OPCML: variants seen among roughly 807,000 people sequenced by gnomAD.
OPCML encodes opioid-binding protein/cell adhesion molecule.
A neutral mutation model predicts 37.8 loss-of-function variants in OPCML; 13 were observed. The observed-to-expected ratio is 0.34, with a 90% confidence interval of 0.22 to 0.55. The LOEUF is 0.55. Ranked by LOEUF, OPCML falls within the 20% of genes least tolerant of loss-of-function variation. OPCML has a pLI of 0.91. For missense variants in OPCML, 341 were observed against 435.6 expected (o/e 0.78, Z 1.93); for synonymous variants, 176 against 168.8 (o/e 1.04, Z -0.33).
rs554897478 is a variant in OPCML at position 132,477,770 on chromosome 11, T to A, written c.506-40411A>T. 5.3e-5 allele frequency among the ~76,000 whole-genome samples: 8 copies of A among 152,332 alleles called. No individual in the cohort carries two copies. The South Asian group carries it at 1.7e-3, about 32-fold the overall frequency. On this transcript the variant is annotated intron_variant, in intron 4 of 7. Coordinates refer to ENST00000524381, the MANE Select transcript of OPCML (RefSeq NM_001012393.5). ...ATGCCCAAAGACAGGGAACATAGAC[T>A]GATGTATTAAGGTAATCATTGACTT...
chr11:132,520,112 A>G (rs1399323220), intron 4 of OPCML, among the ~76,000 whole-genome samples: 1 of 152,220 alleles, frequency 6.6e-6, no homozygotes, highest in Non-Finnish European at 1.5e-5. Flanking sequence ...ATAGGAAGGT[A>G]GGTGTGGACT....
chr11:133,005,739 G>A (rs1161011723), intron 1 of OPCML: 2 of 979,412 alleles, frequency 2.0e-6, no homozygotes, highest in Non-Finnish European at 2.4e-6. Context: ...TTTTTAAAAA[G>A]CTTTTCTTTC....
intron 1 of OPCML, among the ~76,000 whole-genome samples, chr11:133,473,980 A>G (rs1478481456): frequency 2.0e-5 from 3 of 152,230 alleles, no homozygotes; most frequent in African/African-American, 7.2e-5. Flanking sequence ...GGGCTGAGCT[A>G]AAAAGGGTTA....
At chr11:133,447,316 A>G (rs998571487) in intron 1 of OPCML, among the ~76,000 whole-genome samples, 6 of 152,200 alleles carry the variant, frequency 3.9e-5, no homozygotes, top group Non-Finnish European at 5.9e-5. Context: ...TAGCCATTCA[A>G]ATATGTTCTT....
In OPCML at chr11:132,898,670, A is replaced by C. The variant is rs573245827; in HGVS notation, c.146+44256T>G. The stretch of plus-strand genomic sequence containing the variant: ...GGATACATGGAGTCAGGAATCACAG[A>C]GTGGGAGTGTCACCACTCACCAATA... On this transcript the variant is annotated intron_variant, in intron 2 of 7. Coordinates refer to ENST00000524381, the MANE Select transcript of OPCML (RefSeq NM_001012393.5). Among the ~76,000 whole-genome samples the C allele has an allele frequency of 7.7e-4, 118 of 152,282 alleles. 1 individual carries two copies. Among genetic ancestry groups the C allele is most frequent in the Middle Eastern group, 6.8e-3 (2 of 294 alleles).
At chr11:133,506,635 C>A (rs190122881) in intron 1 of OPCML, among the ~76,000 whole-genome samples, 1 of 152,132 alleles carries the variant, frequency 6.6e-6, no homozygotes, top group Non-Finnish European at 1.5e-5. Flanking sequence ...GAACACTGGC[C>A]GGCAGAAGAA....
At chr11:132,519,357 T>C (rs1049741625) in intron 4 of OPCML, among the ~76,000 whole-genome samples, 10 of 152,090 alleles carry the variant, frequency 6.6e-5, no homozygotes, top group African/African-American at 2.4e-4. Flanking sequence ...GGCCATCAGC[T>C]GCACAGTGAC....
At chr11:133,064,480 G>A (rs796237936) in intron 1 of OPCML, among the ~76,000 whole-genome samples, 4 of 152,196 alleles carry the variant, frequency 2.6e-5, no homozygotes, top group South Asian at 4.1e-4. Context: ...TGGGAGAAGG[G>A]ACGGCCAGCT....
chr11:133,037,431 G>T (rs1373644319), intron 1 of OPCML, among the ~76,000 whole-genome samples: 1 of 152,194 alleles, frequency 6.6e-6, no homozygotes, highest in Non-Finnish European at 1.5e-5. Context: ...GTGGATTATT[G>T]CATTGGGTAG....
chr11:132,564,154 G>A (rs1028737609), intron 3 of OPCML, among the ~76,000 whole-genome samples: 1 of 152,172 alleles, frequency 6.6e-6, no homozygotes, highest in Non-Finnish European at 1.5e-5. Flanking sequence ...TTGAGTCTGG[G>A]GCTCTCTTGG....
At chr11:133,400,729 C>T (rs886123782) in intron 1 of OPCML, among the ~76,000 whole-genome samples, 1 of 152,234 alleles carries the variant, frequency 6.6e-6, no homozygotes, top group African/African-American at 2.4e-5. Flanking sequence ...CTCCAATTCT[C>T]TGTTCAATGC....
intron 2 of OPCML, among the ~76,000 whole-genome samples, chr11:132,878,746 A>G (rs569860580): frequency 1.3e-5 from 2 of 152,272 alleles, no homozygotes; most frequent in African/African-American, 4.8e-5. Flanking sequence ...CTTTCTATTG[A>G]GATATCTCCT....
At chr11:133,082,860 C>T (rs1328984575) in intron 1 of OPCML, among the ~76,000 whole-genome samples, 2 of 150,010 alleles carry the variant, frequency 1.3e-5, no homozygotes, top group South Asian at 2.1e-4. Context: ...TGCCGGGGGC[C>T]CCTCCGAGCC....
At chr11:133,315,958 A>G (rs1265910795) in intron 1 of OPCML, among the ~76,000 whole-genome samples, 1 of 152,174 alleles carries the variant, frequency 6.6e-6, no homozygotes, top group Non-Finnish European at 1.5e-5. Context: ...CAGCAAGAAC[A>G]ACACATTTGA....
chr11:132,625,348 T>C (rs1360441980), intron 3 of OPCML, among the ~76,000 whole-genome samples: 2 of 152,168 alleles, frequency 1.3e-5, no homozygotes, highest in African/African-American at 4.8e-5. Context: ...GTGTATATTT[T>C]AGAAGCAGTC....
intron 1 of OPCML, among the ~76,000 whole-genome samples, chr11:133,463,249 G>A (rs1946900401): frequency 6.6e-6 from 1 of 151,960 alleles, no homozygotes; most frequent in African/African-American, 2.4e-5. Context: ...AAAGGTCAGA[G>A]AGGGAATCGG....
At chr11:132,762,028 G>T (rs996557881) in intron 2 of OPCML, among the ~76,000 whole-genome samples, 2 of 152,096 alleles carry the variant, frequency 1.3e-5, no homozygotes, top group Admixed American at 6.6e-5. Context: ...TGATGCTCTC[G>T]CTTTCTGTTT....
chr11:132,720,115 C>T (rs1288775207), intron 2 of OPCML, among the ~76,000 whole-genome samples: 2 of 152,162 alleles, frequency 1.3e-5, no homozygotes, highest in Admixed American at 6.5e-5. Flanking sequence ...ATGAATGAGC[C>T]CTTTGGATTT....
At chr11:133,267,434 C>G (rs1941694595) in intron 1 of OPCML, among the ~76,000 whole-genome samples, 1 of 152,190 alleles carries the variant, frequency 6.6e-6, no homozygotes, top group Non-Finnish European at 1.5e-5. Flanking sequence ...ACAATCAAAT[C>G]CTCCTTGCAT....
Sources: allele counts gnomAD v4.1 joint callset (sites outside exome capture counted in the v4.1 genomes callset), GRCh38; gene constraint gnomAD v4.1.1; transcripts MANE v1.5; gene names NCBI Gene and HGNC (gene_info 2026-07-23, HGNC 2026-07-21).